PAK3: variants seen among roughly 807,000 people sequenced by gnomAD.
PAK3 encodes p21 (RAC1) activated kinase 3, also known as serine/threonine-protein kinase PAK 3.
Under a neutral mutation model 41.0 loss-of-function variants are expected in PAK3, and 4 were observed. The ratio of observed to expected loss-of-function variants is 0.10; its 90% confidence interval spans 0.05 to 0.22. The LOEUF is 0.22. Ranked by LOEUF, PAK3 falls within the 10% of genes least tolerant of loss-of-function variation. PAK3 has a pLI of 1.00. For synonymous variants in PAK3, 146 were observed against 139.6 expected (o/e 1.05, Z -0.32); for missense variants, 205 against 409.9 (o/e 0.50, Z 4.32).
At chrX:110,979,288 T>C (rs1346359758) in intron 1 of PAK3, among the ~76,000 whole-genome samples, 13 of 63,711 alleles carry the variant, frequency 2.0e-4, no homozygotes, top group Non-Finnish European at 3.7e-4. Flanking sequence ...ATTTTCTCTA[T>C]TACTTTTCTT....
At chrX:111,055,810 G>A (rs2092600395) in intron 1 of PAK3, among the ~76,000 whole-genome samples, 1 of 111,920 alleles carries the variant, frequency 8.9e-6, no homozygotes, top group South Asian at 3.7e-4. Context: ...CAAATTCTGA[G>A]CAGAACAGAA....
chrX:111,003,478 G>C (rs1322121338), intron 1 of PAK3, among the ~76,000 whole-genome samples: 2 of 111,572 alleles, frequency 1.8e-5, no homozygotes, highest in East Asian at 5.6e-4. Flanking sequence ...CCACTCCTTG[G>C]TAATGGCATC....
At chrX:111,054,346 G>A (rs899412882) in intron 1 of PAK3, among the ~76,000 whole-genome samples, 1 of 112,455 alleles carries the variant, frequency 8.9e-6, no homozygotes, top group African/African-American at 3.2e-5. Context: ...TATCCAGAAG[G>A]CCAGATAAGT....
chrX:110,991,889 A>C (rs1433930586), intron 1 of PAK3, among the ~76,000 whole-genome samples: 2 of 111,826 alleles, frequency 1.8e-5, no homozygotes, highest in Non-Finnish European at 3.8e-5. Flanking sequence ...AGAAAAAAAA[A>C]CACACAGGAC....
At chrX:110,996,773 C>T (rs1165622116) in intron 1 of PAK3, among the ~76,000 whole-genome samples, 1 of 111,857 alleles carries the variant, frequency 8.9e-6, no homozygotes, top group Non-Finnish European at 1.9e-5. Flanking sequence ...ACCTTTCTGG[C>T]ACCTTGATCT....
chrX:111,146,005 T>A (rs2093939860), intron 6 of PAK3, among the ~76,000 whole-genome samples: 1 of 112,001 alleles, frequency 8.9e-6, no homozygotes, highest in Non-Finnish European at 1.9e-5. Context: ...TAAAATTCAA[T>A]GTTTCCATAC....
chrX:111,027,338 G>C (rs2092285439), intron 1 of PAK3, among the ~76,000 whole-genome samples: 1 of 111,881 alleles, frequency 8.9e-6, no homozygotes, highest in African/African-American at 3.2e-5. Flanking sequence ...CAACTAAAAA[G>C]CTTCTGCACA....
intron 11 of PAK3, among the ~76,000 whole-genome samples, chrX:111,175,506 T>C (rs1239138921): frequency 1.8e-5 from 2 of 111,704 alleles, no homozygotes; most frequent in Non-Finnish European, 3.8e-5. Context: ...GTTATATTTC[T>C]AATAGGCAGT....
At chrX:111,147,679 TA>T in intron 6 of PAK3, 57 bp from the exon 7 acceptor site, 2 of 888,725 alleles carry the variant, frequency 2.3e-6, no homozygotes, top group Non-Finnish European at 1.7e-6. Flanking sequence ...TACTGGAACA[TA>T]AAAATGCTGC....
intron 5 of PAK3, among the ~76,000 whole-genome samples, chrX:111,132,461 C>A (rs1319448014): frequency 9.0e-6 from 1 of 110,593 alleles, no homozygotes; most frequent in African/African-American, 3.3e-5. Context: ...GTGAGGGGGA[C>A]AAAGGGTGGA....
chrX:111,033,210 A>G (rs1270759401), intron 1 of PAK3, among the ~76,000 whole-genome samples: 1 of 111,192 alleles, frequency 9.0e-6, no homozygotes, highest in East Asian at 2.8e-4. Context: ...GCTGTGACGA[A>G]CCAAATCTTG....
chrX:111,096,856 C>A (rs1342130093), intron 1 of PAK3: 2 of 63,238 alleles, frequency 3.2e-5, no homozygotes, highest in Non-Finnish European at 6.0e-5. Context: ...CGGGGTAGAA[C>A]CCCCCCGCCC....
At chrX:111,106,093 T>C (rs1443332588) in intron 4 of PAK3, among the ~76,000 whole-genome samples, 1 of 111,406 alleles carries the variant, frequency 9.0e-6, no homozygotes, top group Non-Finnish European at 1.9e-5. Flanking sequence ...TACATGCACA[T>C]GTGTACCCCC....
chrX:111,035,054 C>T (rs751263416), intron 1 of PAK3, among the ~76,000 whole-genome samples: 20 of 85,733 alleles, frequency 2.3e-4, no homozygotes, highest in African/African-American at 2.3e-4. Flanking sequence ...TGCAGTGAGC[C>T]GAGATTGCAC....
intron 1 of PAK3, among the ~76,000 whole-genome samples, chrX:111,032,001 C>T (rs1010934376): frequency 8.9e-6 from 1 of 111,928 alleles, no homozygotes; most frequent in African/African-American, 3.2e-5. Flanking sequence ...ACTACTGTAA[C>T]TTGTTAATGA....
chrX:111,006,957 G>A (rs1234991645), intron 1 of PAK3, among the ~76,000 whole-genome samples: 6 of 103,378 alleles, frequency 5.8e-5, no homozygotes, highest in Admixed American at 1.1e-4. Context: ...TGATCTTCCC[G>A]CCTTGGCCTC....
At chrX:111,175,365 TA>T (rs1343755763) in intron 11 of PAK3, among the ~76,000 whole-genome samples, 2 of 112,010 alleles carry the variant, frequency 1.8e-5, no homozygotes, top group East Asian at 5.6e-4. Context: ...CTCATTAATA[TA>T]TTTTTTATTG....
At chrX:111,052,657 G>C (rs2092569254) in intron 1 of PAK3, among the ~76,000 whole-genome samples, 1 of 112,438 alleles carries the variant, frequency 8.9e-6, no homozygotes, top group Non-Finnish European at 1.9e-5. Flanking sequence ...GAGTGATAGA[G>C]AAAGGATTTG....
chrX:111,116,442 A>T (rs1486827091), intron 4 of PAK3, among the ~76,000 whole-genome samples: 2 of 112,017 alleles, frequency 1.8e-5, no homozygotes, highest in Non-Finnish European at 3.8e-5. Context: ...TTTTCTGGGC[A>T]TTAGCTCATG....
Sources: allele counts gnomAD v4.1 joint callset (sites outside exome capture counted in the v4.1 genomes callset), GRCh38; gene constraint gnomAD v4.1.1; transcripts MANE v1.5; gene names NCBI Gene and HGNC (gene_info 2026-07-23, HGNC 2026-07-21).